GGA3: variants seen among roughly 807,000 people sequenced by gnomAD.
The protein encoded by GGA3 is ADP-ribosylation factor-binding protein GGA3.
Under a neutral mutation model 77.5 loss-of-function variants are expected in GGA3, and 57 were observed. The ratio of observed to expected loss-of-function variants is 0.74; its 90% CI spans 0.59 to 0.92. The LOEUF is 0.92. Among genes scored for constraint, GGA3 ranks in the 40% least tolerant of loss-of-function variants. GGA3 has a pLI of 0.00. For missense variants in GGA3, 970 were observed against 914.9 expected (o/e 1.06, Z -0.78); for synonymous variants, 416 against 383.7 (o/e 1.08, Z -0.98).
At chr17:75,243,610 T>C (rs760549640) in intron 4 of GGA3, 40 bp from the exon 5 acceptor site, 1 of 1,604,744 alleles carries the variant, frequency 6.2e-7, no homozygotes, top group Non-Finnish European at 8.5e-7. Context: ...TAAGTGCAGT[T>C]CGGAGGCAGA....
Position 75,242,416 on chromosome 17 carries a change from TG to T in GGA3, c.666del (p.Asn222LysfsTer4). 6.2e-7 allele frequency: 1 copy of T among 1,614,132 alleles called. No homozygotes were observed. The part of the protein sequence containing the change: ...TKRLHTLEEV[N>X]NNVRLLSEML... Reference sequence around the variant, plus strand: ...ATCTCACTGAGCAGTCTCACGTTGTTGTTAACTTCCTCTAACGTGTGCAGAC... The same window carrying T: ...ATCTCACTGAGCAGTCTCACGTTGTTTTAACTTCCTCTAACGTGTGCAGAC... On this transcript the variant is annotated frameshift_variant, in exon 8 of 17. Coordinates refer to ENST00000537686, the MANE Select transcript of GGA3 (RefSeq NM_138619.4). LOFTEE classifies it high-confidence loss of function.
intron 4 of GGA3, among the ~76,000 whole-genome samples, chr17:75,244,091 G>C (rs1043135694): frequency 1.3e-5 from 2 of 152,112 alleles, no homozygotes; most frequent in African/African-American, 4.8e-5. Context: ...GAGTTCTGAG[G>C]AAAGTGCATT....
Position 75,239,322 on chromosome 17 carries a change from C to G in GGA3, c.1780+53G>C, listed in dbSNP as rs551901511. 305 of 1,418,342 alleles carry G rather than the reference C, an allele frequency of 2.2e-4. 1 individual carries two copies. The African/African-American group carries it at 4.1e-3, about 19-fold the overall frequency. The allele number at this position is 1,418,342 out of a possible 1,614,324, so 87.9% of individuals were successfully genotyped here. ...TCCATCCCTGTCGCATGTCCTACAG[C>G]TCCGTGGCTATAGGCCCCACCGCCC... On this transcript the variant is annotated intron_variant, in intron 14 of 16. Coordinates refer to ENST00000537686, the MANE Select transcript of GGA3 (RefSeq NM_138619.4).
intron 3 of GGA3, 129 bp from the exon 4 acceptor site, chr17:75,244,846 G>A: frequency 1.4e-6 from 1 of 691,426 alleles, no homozygotes; most frequent in Non-Finnish European, 2.6e-6. Flanking sequence ...ATCACGAAAA[G>A]CAGTGTGCAC....
chr17:75,247,504 G>A (rs989152283), intron 1 of GGA3, among the ~76,000 whole-genome samples: 3 of 152,036 alleles, frequency 2.0e-5, no homozygotes, highest in African/African-American at 4.8e-5. Context: ...TCAGGTGATC[G>A]GCCCGCCTTG....
intron 16 of GGA3, 45 bp from the exon 17 acceptor site, chr17:75,238,434 T>A: frequency 1.3e-6 from 2 of 1,513,330 alleles, no homozygotes; most frequent in South Asian, 2.3e-5. Flanking sequence ...GGCGGCCCCT[T>A]GGCAGGACGC....
In GGA3 at chr17:75,243,090, A is replaced by G. The variant is rs767018358; in HGVS notation, c.501T>C (p.Pro167=). 6.2e-7 allele frequency: 1 copy of G among 1,613,048 alleles called. No homozygotes were observed. Among genetic ancestry groups the G allele is most frequent in the South Asian group, 1.1e-5 (1 of 90,996 alleles). ...IPSPPPRPKN[P]VFDDEEKSKL... ...TGGACTTCTCCTCATCATCAAAAAC[A>G]GGGTTTTTGGGACGAGGTGGTGGAG... Residue 167 remains proline (P), a synonymous_variant, in exon 6 of 17, where the codon CCT becomes CCC. Transcript: ENST00000537686.
rs1195759470 is a variant in GGA3 at position 75,244,661 on chromosome 17, C to T, written c.258G>A (p.Lys86=). ...TGATTAACTCATTCAAAAAGCGGAA[C>T]TTCCCCACTTCGTTATGAAATCTCC... ...CGRRFHNEVG[K]FRFLNELIKV... The change falls in exon 4 of 17, where the codon AAG becomes AAA. Residue 86 remains lysine (K), a synonymous_variant. Coordinates refer to ENST00000537686, the MANE Select transcript of GGA3 (RefSeq NM_138619.4). The T allele has an allele frequency of 4.3e-6, 7 of 1,613,780 alleles. No homozygotes were observed. The highest frequency in any genetic ancestry group is 5.9e-6 in the Non-Finnish European group (7 of 1,179,772).
rs1159035936 is a variant in GGA3 at position 75,246,507 on chromosome 17, A to G, written c.201+2T>C. The G allele has an allele frequency of 6.3e-7, 1 of 1,595,540 alleles. No homozygotes were observed. Among genetic ancestry groups the G allele is most frequent in the East Asian group, 2.2e-5 (1 of 44,816 alleles). ...TCCACCTCCGGAGAGTGAAGGACCT[A>G]CCGTCAGGGCCTGGAGCGCCTCCCA... On this transcript the variant is annotated splice_donor_variant, in intron 3 of 16. Coordinates refer to ENST00000537686, the MANE Select transcript of GGA3 (RefSeq NM_138619.4). LOFTEE classifies it high-confidence loss of function.
In GGA3 at chr17:75,237,117, G is replaced by A. The variant is rs1568103709; in HGVS notation, c.*1162C>T. On this transcript the variant is annotated 3_prime_UTR_variant, in exon 17 of 17. Transcript: ENST00000537686. Reference sequence around the variant, plus strand: ...CGGAGGCTTGGAGTACATGTCCCAGGATCACATCCAGCAGCTAGAGTGGCT... The same window carrying A: ...CGGAGGCTTGGAGTACATGTCCCAGAATCACATCCAGCAGCTAGAGTGGCT... The A allele has an allele frequency of 2.1e-5, 7 of 325,874 alleles. No individual in the cohort carries two copies. The East Asian group carries it at 4.0e-4, about 19-fold the overall frequency. 20.2% of individuals were successfully genotyped at this position (325,874 alleles called of 1,614,324 possible). A position where few individuals can be genotyped will look rare whatever the true frequency, so the allele number is the denominator to read the frequency against.
intron 4 of GGA3, chr17:75,244,390 C>T: frequency 2.0e-6 from 1 of 493,194 alleles, no homozygotes; most frequent in Non-Finnish European, 3.7e-6. Context: ...CACACAGCCA[C>T]TACCACATCA....
In GGA3 at chr17:75,255,920, T is replaced by C. The variant is rs57816178; in HGVS notation, c.40+5628A>G. On this transcript the variant is annotated intron_variant, in intron 1 of 16. Transcript: ENST00000537686. ...CATCCATTAGGCTCAGCAAATTACC[T>C]GGGCTGTACTGCTGCAAGGCTTCAC... Among the ~76,000 whole-genome samples, 631 of 151,066 alleles carry C rather than the reference T, an allele frequency of 4.2e-3. 4 individuals carry two copies. Among genetic ancestry groups the C allele is most frequent in the African/African-American group, 0.014 (562 of 41,228 alleles).
At chr17:75,258,009 C>G (rs2077215514) in intron 1 of GGA3, among the ~76,000 whole-genome samples, 1 of 152,162 alleles carries the variant, frequency 6.6e-6, no homozygotes, top group African/African-American at 2.4e-5. Context: ...CCCACCCTAA[C>G]TGATCAATGT....
At chr17:75,256,207 T>C (rs1315016873) in intron 1 of GGA3, among the ~76,000 whole-genome samples, 1 of 152,026 alleles carries the variant, frequency 6.6e-6, no homozygotes, top group African/African-American at 2.4e-5. Context: ...CTAGCCCTCA[T>C]GTCTGCTTGC....
chr17:75,241,066 G>C lies in GGA3; in HGVS notation c.947-9C>G, dbSNP rs774711149. 6.2e-7 allele frequency: 1 copy of C among 1,613,898 alleles called. No homozygotes were observed. The highest frequency in any genetic ancestry group is 2.2e-5 in the East Asian group (1 of 44,878). The stretch of plus-strand genomic sequence containing the variant: ...ACTGCACTGACTGTTTCCTGGATGG[G>C]TCAACAGAGCAGAACAGGAATAATT... On this transcript the variant is annotated splice_polypyrimidine_tract_variant and intron_variant, in intron 10 of 16. Coordinates refer to ENST00000537686, the MANE Select transcript of GGA3 (RefSeq NM_138619.4).
At chr17:75,244,825 G>T in intron 3 of GGA3, 108 bp from the exon 4 acceptor site, 1 of 736,172 alleles carries the variant, frequency 1.4e-6, no homozygotes, top group Non-Finnish European at 2.4e-6. Context: ...CACGCCCACA[G>T]GAAGGAGCTC....
chr17:75,241,482 C>T lies in GGA3; in HGVS notation c.864G>A (p.Arg288=), dbSNP rs780209198. Residue 288 remains arginine (R), a synonymous_variant, in exon 10 of 17, where the codon CGG becomes CGA. Transcript: ENST00000537686. ...TAATTGTTTTGTAAGAGTTGATGAC[C>T]CGGGAGAGGTTGTCACTGGCTTGCA... ...DILQASDNLS[R]VINSYKTIIE... The T allele has an allele frequency of 6.2e-7, 1 of 1,613,984 alleles. No homozygotes were observed.
At chr17:75,241,847 C>T (rs900860091) in intron 8 of GGA3, 151 bp from the exon 9 acceptor site, 14 of 679,856 alleles carry the variant, frequency 2.1e-5, no homozygotes, top group African/African-American at 5.3e-5. Context: ...CGTCTTCTTG[C>T]CACCAGCCAC....
chr17:75,237,493 GC>G lies in GGA3; in HGVS notation c.*785del. 2 of 1,535,866 alleles carry G rather than the reference GC, an allele frequency of 1.3e-6. No individual in the cohort carries two copies. The highest frequency in any genetic ancestry group is 4.9e-5 in the East Asian group (2 of 40,914). On this transcript the variant is annotated 3_prime_UTR_variant, in exon 17 of 17. Transcript: ENST00000537686. ...GTCAGTAGGATGGCCTGTCCCCACG[GC>G]TGGAGGCACGCTTTTCCCAGAAAGC...
Sources: allele counts gnomAD v4.1 joint callset (sites outside exome capture counted in the v4.1 genomes callset), GRCh38; gene constraint gnomAD v4.1.1; transcripts MANE v1.5; gene names NCBI Gene and HGNC (gene_info 2026-07-23, HGNC 2026-07-21).